Variants in IRS2 observed in about 807,000 individuals in gnomAD.
IRS2 encodes insulin receptor substrate 2.
IRS2 carries 28 observed loss-of-function variants against 70.9 expected under a neutral mutation model. That is an observed-to-expected ratio of 0.39 (90% CI 0.29 to 0.54). IRS2 has a LOEUF of 0.54. Among genes scored for constraint, IRS2 ranks in the 20% least tolerant of loss-of-function variants. The probability of loss-of-function intolerance (pLI) is 0.59; values close to 1 mark genes in which losing one functional copy is unlikely to be tolerated. For synonymous variants in IRS2, 1,217 were observed against 981.9 expected, an observed-to-expected ratio of 1.24 and a Z score of -4.48; for missense variants, 2,081 against 2,024.1, an observed-to-expected ratio of 1.03 and a Z score of -0.54.
rs768507967 is a variant in IRS2 at position 109,784,317 on chromosome 13, G to T, written c.1737C>A (p.Thr579=). The change falls in exon 1 of 2, where the codon ACC becomes ACA. Residue 579 remains threonine, a synonymous_variant. Transcript: ENST00000375856. This position sits in a 1 kb window ranked among gnomAD's most constrained non-coding sequence, Gnocchi z 5.2. ...RGLRKRTYSL[T]TPARQRPVPQ... is the part of the protein sequence containing the mutation. ...GCACCGGCCGCTGCCGGGCTGGCGT[G>T]GTCAGGGAGTAGGTCCTCTTGCGCA... is the stretch of plus-strand genomic sequence containing the variant. 54 of 1,604,068 alleles carry T rather than the reference G, an allele frequency of 3.4e-5. No homozygotes were observed. In the East Asian group the frequency reaches 1.2e-3, roughly 35 times the overall value.
intron 1 of IRS2, among the ~76,000 whole-genome samples, chr13:109,776,705 A>G (rs976587428): frequency 2.0e-5 from 3 of 152,342 alleles, no homozygotes; most frequent in Non-Finnish European, 4.4e-5. Context: ...ATCTTGAAAG[A>G]AATTGAAATC....
In IRS2 at chr13:109,758,868, GGCAAGC is replaced by G. The variant is rs141880967; in HGVS notation, c.4013-2566_4013-2561del. Among the ~76,000 whole-genome samples, 296 of 150,242 alleles carry G rather than the reference GGCAAGC, an allele frequency of 2.0e-3. 2 individuals are homozygous for G. Among genetic ancestry groups the G allele is most frequent in the African/African-American group, 6.4e-3 (263 of 40,850 alleles). ...AAAAGAAGGAAAGGGGAAAAGGAAG[GGCAAGC>G]GGAAGAGGAAGAGGAAGGGGAAGAG... On this transcript the variant is annotated intron_variant, in intron 1 of 1. Coordinates refer to ENST00000375856, the MANE Select transcript of IRS2 (RefSeq NM_003749.3).
Position 109,782,761 on chromosome 13 carries a change from A to G in IRS2, c.3293T>C (p.Val1098Ala). ...CTTCACGCCCGACGTCGGGCTGGCC[A>G]CGCGGGCAGCTTCTGGCTTCGGGGG... ...AAPPKPEAAR[V>A]ASPTSGVKRL... The change falls in exon 1 of 2, where the codon GTG (valine) becomes GCG (alanine). Residue 1098 changes from valine to alanine, a missense_variant. Coordinates refer to ENST00000375856, the MANE Select transcript of IRS2 (RefSeq NM_003749.3). 6.2e-7 allele frequency: 1 copy of G among 1,602,024 alleles called. No homozygotes were observed. The highest frequency in any genetic ancestry group is 8.5e-7 in the Non-Finnish European group (1 of 1,175,024).
chr13:109,767,649 TAC>T (rs1877363494), intron 1 of IRS2, among the ~76,000 whole-genome samples: 2 of 151,906 alleles, frequency 1.3e-5, no homozygotes, highest in Non-Finnish European at 2.9e-5. Context: ...TCCTGTGTGT[TAC>T]AGACTTAATG....
In IRS2 at chr13:109,784,291, G is replaced by A; in HGVS notation, c.1763C>T (p.Pro588Leu). The A allele has an allele frequency of 1.3e-6, 2 of 1,598,206 alleles. No individual in the cohort carries two copies. Among genetic ancestry groups the A allele is most frequent in the Non-Finnish European group, 1.7e-6 (2 of 1,172,616 alleles). The change falls in exon 1 of 2, where the codon CCC becomes CTC. Residue 588 changes from proline to leucine, a missense_variant. This residue lies in a region of IRS2 where 1,615 missense variants were observed against 1,459.5 expected (regional missense o/e 1.11). Coordinates refer to ENST00000375856, the MANE Select transcript of IRS2 (RefSeq NM_003749.3). This position sits in a 1 kb window ranked among gnomAD's most constrained non-coding sequence, Gnocchi z 5.2. ...ATCCAGCGAGGCAGAGGAGGGCTGG[G>A]GCACCGGCCGCTGCCGGGCTGGCGT... ...LTTPARQRPVPQPSSASLDEY... is the reference protein window; with the variant it reads ...LTTPARQRPVLQPSSASLDEY...
At chr13:109,775,180 G>A (rs111737079) in intron 1 of IRS2, among the ~76,000 whole-genome samples, 23 of 142,240 alleles carry the variant, frequency 1.6e-4, no homozygotes, top group African/African-American at 5.3e-4. Flanking sequence ...GTACAGTGTC[G>A]CGATCTCAGC....
At position 109,784,123 on chromosome 13, in the gene IRS2, C is replaced by G. The variant is rs1185499356; in HGVS notation, c.1931G>C (p.Ser644Thr). 1.9e-6 allele frequency: 3 copies of G among 1,594,414 alleles called. No individual in the cohort carries two copies. Among genetic ancestry groups the G allele is most frequent in the Non-Finnish European group, 2.5e-6 (3 of 1,177,346 alleles). Residue 644 changes from serine (S) to threonine (T), a missense_variant, in exon 1 of 2, where the codon AGC (serine) becomes ACC (threonine). Physicochemically the swap from Ser to Thr is moderately conservative, Grantham distance 58 (BLOSUM62 1). Around this residue, in one of 4 missense-constraint regions of IRS2, gnomAD observed 1,615 missense variants for 1,459.5 expected, o/e 1.11. Transcript: ENST00000375856. The surrounding 1 kb of genome is among the most constrained non-coding windows in gnomAD (Gnocchi z 5.2). ...DIEIGSHRSS[S>T]SNLGADDGYM... The stretch of plus-strand genomic sequence containing the variant: ...GCCGTCGTCTGCCCCCAGGTTGCTG[C>G]TGGAGCTCCTGTGGGAGCCGATCTC...
chr13:109,761,577 C>G (rs569255750), intron 1 of IRS2, among the ~76,000 whole-genome samples: 2 of 142,820 alleles, frequency 1.4e-5, no homozygotes, highest in Non-Finnish European at 3.1e-5. Context: ...AAGCAAGACA[C>G]TCTAAGAACA....
rs759868905 is a variant in IRS2 at position 109,782,048 on chromosome 13, C to G, written c.4006G>C (p.Val1336Leu). 1.2e-6 allele frequency: 2 copies of G among 1,612,382 alleles called. No individual in the cohort carries two copies. The highest frequency in any genetic ancestry group is 4.5e-5 in the East Asian group (2 of 44,842). The change falls in exon 1 of 2, where the codon GTG becomes CTG. Residue 1336 changes from valine to leucine, a missense_variant. Coordinates refer to ENST00000375856, the MANE Select transcript of IRS2 (RefSeq NM_003749.3). ...AGGCAAAGGGCCTCCTCACCTTTCA[C>G]GATGGTGGCCTCCTTCAAGTGGTGG... ...LSHHLKEATI[V>L]KE
At position 109,759,826 on chromosome 13, in the gene IRS2, C is replaced by T. The variant is rs143681812; in HGVS notation, c.4013-3518G>A. 2.1e-3 allele frequency among the ~76,000 whole-genome samples: 317 copies of T among 152,212 alleles called. 1 individual carries two copies. The highest frequency in any genetic ancestry group is 6.8e-3 in the African/African-American group (282 of 41,516). ...AAGAGCTGGTGCCCCTGGTTGAAAC[C>T]ACCACGGCAACACGATACCTACCAC... On this transcript the variant is annotated intron_variant, in intron 1 of 1. Transcript: ENST00000375856.
chr13:109,784,507 T>G lies in IRS2; in HGVS notation c.1547A>C (p.His516Pro), dbSNP rs1334577268. 6.4e-6 allele frequency: 10 copies of G among 1,553,050 alleles called. No homozygotes were observed. Among genetic ancestry groups the G allele is most frequent in the Non-Finnish European group, 8.7e-6 (10 of 1,150,148 alleles). ...SPGDLRAFCS[H>P]RSNTPESIAE... ...GATGGACTCGGGCGTGTTGCTTCGG[T>G]GGCTGCAGAAGGCGCGCAGGTCGCC... The change falls in exon 1 of 2, where the codon CAC becomes CCC. Residue 516 changes from histidine to proline, a missense_variant. By Grantham distance (77) the His-to-Pro change is moderately conservative. Around this residue, in one of 4 missense-constraint regions of IRS2, gnomAD observed 1,615 missense variants for 1,459.5 expected, o/e 1.11. Transcript: ENST00000375856. The surrounding 1 kb of genome is among the most constrained non-coding windows in gnomAD (Gnocchi z 5.2).
At chr13:109,772,593 A>T (rs1038922370) in intron 1 of IRS2, among the ~76,000 whole-genome samples, 1 of 151,800 alleles carries the variant, frequency 6.6e-6, no homozygotes, top group Non-Finnish European at 1.5e-5. Context: ...GCCAGGAAGG[A>T]GGTACTGTCT....
At chr13:109,765,692 A>C (rs1331610105) in intron 1 of IRS2, among the ~76,000 whole-genome samples, 1 of 28,926 alleles carries the variant, frequency 3.5e-5, no homozygotes, top group Non-Finnish European at 7.2e-5. Context: ...CTTGGCTCCA[A>C]CTCCCCACCA....
In IRS2 at chr13:109,784,667, G is replaced by A. The variant is rs1877856617; in HGVS notation, c.1387C>T (p.Pro463Ser). ...GHGSGSYPPP[P>S]GPHPPLPHPL... is the part of the protein sequence containing the mutation. ...TGCGGCAGAGGCGGGTGCGGGCCGGGCGGCGGCGGGTAGGAGCCCGAGCCG... is the reference window on the plus strand; with the variant it reads ...TGCGGCAGAGGCGGGTGCGGGCCGGACGGCGGCGGGTAGGAGCCCGAGCCG... The change falls in exon 1 of 2, where the codon CCC becomes TCC. Residue 463 changes from proline (P) to serine (S), a missense_variant. By Grantham distance (74) the Pro-to-Ser change is moderately conservative (BLOSUM62 -1). Around this residue, in one of 4 missense-constraint regions of IRS2, gnomAD observed 1,615 missense variants for 1,459.5 expected, o/e 1.11. Coordinates refer to ENST00000375856, the MANE Select transcript of IRS2 (RefSeq NM_003749.3). The surrounding 1 kb of genome is among the most constrained non-coding windows in gnomAD (Gnocchi z 5.2). 4 of 1,245,792 alleles carry A rather than the reference G, an allele frequency of 3.2e-6. No individual in the cohort carries two copies. Among genetic ancestry groups the A allele is most frequent in the Non-Finnish European group, 4.0e-6 (4 of 998,114 alleles). The allele number at this position is 1,245,792 out of a possible 1,614,324, so 77.2% of individuals were successfully genotyped here.
chr13:109,773,845 T>G (rs926855923), intron 1 of IRS2, among the ~76,000 whole-genome samples: 1 of 152,258 alleles, frequency 6.6e-6, no homozygotes, highest in African/African-American at 2.4e-5. Context: ...CTAAAGAGCA[T>G]AGGCTGTATC....
chr13:109,765,677 T>A (rs74723876), intron 1 of IRS2, among the ~76,000 whole-genome samples: 2 of 34,102 alleles, frequency 5.9e-5, no homozygotes, highest in Non-Finnish European at 6.1e-5. Context: ...CCCAGCCTCC[T>A]CCACCTTGGC....
rs769557402 is a variant in IRS2, at chr13:109,754,264, C to T, written c.*2040G>A. The T allele has an allele frequency of 8.7e-6, 2 of 229,278 alleles. No homozygotes were observed. Among genetic ancestry groups the T allele is most frequent in the Non-Finnish European group, 1.7e-5 (2 of 115,480 alleles). 14.2% of individuals were successfully genotyped at this position (229,278 alleles called of 1,614,324 possible). ...ATTAAAAATGTAAATATTGCATATG[C>T]CTTTTTGTGAAATGTACAGGATAGA... is the stretch of plus-strand genomic sequence containing the variant. On this transcript the variant is annotated 3_prime_UTR_variant, in exon 2 of 2. Coordinates refer to ENST00000375856, the MANE Select transcript of IRS2 (RefSeq NM_003749.3).
Position 109,756,291 on chromosome 13 carries a change from G to T in IRS2, c.*13C>A. On this transcript the variant is annotated 3_prime_UTR_variant, in exon 2 of 2. Transcript: ENST00000375856. Reference sequence around the variant, plus strand: ...TGACATGTGACATCCTGGTGATAAAGCCAGACAGATCTTCACTCTGAAAAA... The same window carrying T: ...TGACATGTGACATCCTGGTGATAAATCCAGACAGATCTTCACTCTGAAAAA... 1 of 1,607,148 alleles carries T rather than the reference G, an allele frequency of 6.2e-7. No homozygotes were observed.
chr13:109,786,091 C>G lies in IRS2; in HGVS notation c.-38G>C. ...AGGCCGCGCGGCCCGGGCCCGGCGCCCAGGGGTTGGGGCGAGGGGCGGAGG... is the reference window on the plus strand; with the variant it reads ...AGGCCGCGCGGCCCGGGCCCGGCGCGCAGGGGTTGGGGCGAGGGGCGGAGG... On this transcript the variant is annotated 5_prime_UTR_variant, in exon 1 of 2. Transcript: ENST00000375856. The surrounding 1 kb of genome is among the most constrained non-coding windows in gnomAD (Gnocchi z 4.4). 2.9e-6 allele frequency: 3 copies of G among 1,027,970 alleles called. No homozygotes were observed. The highest frequency in any genetic ancestry group is 3.5e-6 in the Non-Finnish European group (3 of 862,800). The allele number at this position is 1,027,970 out of a possible 1,614,324, so 63.7% of individuals were successfully genotyped here. A position where few individuals can be genotyped will look rare whatever the true frequency, so the allele number is the denominator to read the frequency against.
Sources: gnomAD v4.1 joint callset for allele counts (sites outside exome capture counted in the v4.1 genomes callset) on GRCh38, gnomAD v4.1.1 for gene constraint, gnomAD v4.1.1 regional missense constraint, Gnocchi (gnomAD v3.1) non-coding constraint, MANE v1.5 for transcripts, NCBI Gene and HGNC (gene_info 2026-07-23, HGNC 2026-07-21) for gene names.